Variants in NETO1 observed in about 807,000 individuals in gnomAD.
The protein encoded by NETO1 is neuropilin and tolloid-like protein 1.
In NETO1, 26 loss-of-function variants were observed where a neutral mutation model predicts 61.3. The ratio of observed to expected loss-of-function variants is 0.42; its 90% CI spans 0.31 to 0.59. NETO1 has a LOEUF of 0.59. Among genes scored for constraint, NETO1 ranks in the 20% least tolerant of loss-of-function variants. NETO1 has a pLI of 0.12. For missense variants in NETO1, 531 were observed against 662.8 expected (o/e 0.80, Z 2.18); for synonymous variants, 225 against 225.8 (o/e 1.00, Z 0.03).
chr18:72,834,298 C>A (rs1419928747), intron 4 of NETO1: 9 of 848,748 alleles, frequency 1.1e-5, no homozygotes, highest in Non-Finnish European at 1.3e-5. Context: ...GAAAAAATTT[C>A]ATAAATGACA....
At chr18:72,778,832 C>CCTCT (rs2071644222) in intron 7 of NETO1, among the ~76,000 whole-genome samples, 1 of 152,140 alleles carries the variant, frequency 6.6e-6, no homozygotes, top group South Asian at 2.1e-4. Flanking sequence ...ACTCCTCCAG[C>CCTCT]CTCTACTCAT....
chr18:72,748,260 C>G, intron 10 of NETO1, 96 bp from the exon 11 acceptor site: 1 of 983,036 alleles, frequency 1.0e-6, no homozygotes, highest in Non-Finnish European at 1.2e-6. Context: ...GAAATGCATT[C>G]ACCTAGTTCA....
intron 7 of NETO1, among the ~76,000 whole-genome samples, chr18:72,757,528 A>G (rs571938244): frequency 5.3e-5 from 8 of 152,228 alleles, no homozygotes; most frequent in Admixed American, 5.2e-4. Flanking sequence ...CTCTCTGTTC[A>G]TTTTGACTTT....
chr18:72,840,099 C>T (rs1367451424), intron 4 of NETO1, among the ~76,000 whole-genome samples: 2 of 152,182 alleles, frequency 1.3e-5, no homozygotes, highest in African/African-American at 4.8e-5. Flanking sequence ...CTTTGTGAAT[C>T]CTCATTTAAA....
intron 4 of NETO1, among the ~76,000 whole-genome samples, chr18:72,839,637 A>G (rs1375311532): frequency 6.6e-6 from 1 of 152,122 alleles, no homozygotes; most frequent in Non-Finnish European, 1.5e-5. Context: ...TGCCTCTAAA[A>G]TGCCTATTTC....
chr18:72,818,635 G>A (rs943345216), intron 4 of NETO1, among the ~76,000 whole-genome samples: 1 of 152,096 alleles, frequency 6.6e-6, no homozygotes, highest in African/African-American at 2.4e-5. Flanking sequence ...AGTCAAGCAC[G>A]AGACATTTTC....
At chr18:72,858,663 T>C (rs907438222) in intron 4 of NETO1, among the ~76,000 whole-genome samples, 163 bp downstream of exon 4, 2 of 152,158 alleles carry the variant, frequency 1.3e-5, no homozygotes, top group Admixed American at 6.5e-5. Context: ...ATCTTTTCCT[T>C]TCAGAATTTG....
chr18:72,847,606 T>A (rs1186072657), intron 4 of NETO1, among the ~76,000 whole-genome samples: 1 of 152,216 alleles, frequency 6.6e-6, no homozygotes, highest in Admixed American at 6.5e-5. Context: ...TATTTATGCA[T>A]AAAAATGGCA....
intron 6 of NETO1, among the ~76,000 whole-genome samples, chr18:72,784,724 A>G (rs547561684): frequency 1.3e-3 from 195 of 152,338 alleles, no homozygotes; most frequent in African/African-American, 4.5e-3. Flanking sequence ...TTTTCCATCA[A>G]CAGACATTAT....
At chr18:72,752,439 C>T (rs1219006579) in intron 8 of NETO1, among the ~76,000 whole-genome samples, 2 of 152,090 alleles carry the variant, frequency 1.3e-5, no homozygotes, top group African/African-American at 4.8e-5. Context: ...GGTGCGAAGT[C>T]CAAGGCGGTG....
Position 72,859,091 on chromosome 18 carries a change from T to C in NETO1, c.221-17A>G, listed in dbSNP as rs1386822567. ...TTGGAGCGGCTGTAAAGAAGAAAGA[T>C]TGTGTCTAGGAGGTCATTTCTTACA... On this transcript the variant is annotated splice_polypyrimidine_tract_variant and intron_variant, in intron 3 of 10. Coordinates refer to ENST00000327305, the MANE Select transcript of NETO1 (RefSeq NM_138966.5). 9.5e-6 allele frequency: 15 copies of C among 1,581,054 alleles called. No individual in the cohort carries two copies. In the East Asian group the frequency reaches 3.2e-4, roughly 33 times the overall value.
intron 4 of NETO1, among the ~76,000 whole-genome samples, chr18:72,803,785 C>T (rs2072585629): frequency 1.3e-5 from 2 of 151,450 alleles, no homozygotes; most frequent in South Asian, 4.2e-4. Context: ...CACACCATTG[C>T]ACTCCAGCCT....
chr18:72,861,302 C>T lies in NETO1; in HGVS notation c.221-2228G>A, dbSNP rs149934272. Among the ~76,000 whole-genome samples the T allele has an allele frequency of 5.7e-3, 875 of 152,308 alleles. 11 individuals carry two copies. The highest frequency in any genetic ancestry group is 0.019 in the African/African-American group (801 of 41,566). On this transcript the variant is annotated intron_variant, in intron 3 of 10. Transcript: ENST00000327305. ...GACACACAACCAGAAATGAAACCTACATAGCTGAATTTTAGAAGGTAGTGA... is the reference window on the plus strand; with the variant it reads ...GACACACAACCAGAAATGAAACCTATATAGCTGAATTTTAGAAGGTAGTGA...
intron 4 of NETO1, among the ~76,000 whole-genome samples, chr18:72,839,102 C>G (rs1392263472): frequency 2.0e-5 from 3 of 151,988 alleles, no homozygotes; most frequent in African/African-American, 7.3e-5. Context: ...TGCTTAATGT[C>G]AAAAGAAAGT....
rs777646026 is a variant in NETO1 at position 72,835,328 on chromosome 18, A to G, written c.469+23498T>C. On this transcript the variant is annotated intron_variant, in intron 4 of 10. Transcript: ENST00000327305. ...GGAGTTTGCCTTTTATTCTGGAGGCAAAGAGGTAATTAAAGAAGTTTAATT... is the reference window on the plus strand; with the variant it reads ...GGAGTTTGCCTTTTATTCTGGAGGCGAAGAGGTAATTAAAGAAGTTTAATT... The G allele has an allele frequency of 8.8e-6, 14 of 1,596,574 alleles. No homozygotes were observed. In the South Asian group the frequency reaches 1.6e-4, roughly 18 times the overall value.
chr18:72,821,722 G>A (rs7233147), intron 4 of NETO1, among the ~76,000 whole-genome samples: 72,864 of 151,898 alleles, frequency 0.48, 19,060 homozygotes, highest in African/African-American at 0.69. Context: ...GTTGAAGAAC[G>A]TGAGACGTTG....
At chr18:72,773,607 T>C (rs183604422) in intron 7 of NETO1, among the ~76,000 whole-genome samples, 69 of 152,172 alleles carry the variant, frequency 4.5e-4, no homozygotes, top group Admixed American at 2.6e-3. Context: ...GTTCTCACGA[T>C]AGTGAGTGAG....
Position 72,794,213 on chromosome 18 carries a change from T to G in NETO1, c.543A>C (p.Gly181=), listed in dbSNP as rs147413816. The change falls in exon 6 of 11, where the codon GGA becomes GGC. Residue 181 remains glycine (G), a synonymous_variant. Transcript: ENST00000327305. ...TCATAATTTGTATAGACTCCACAAT[T>G]CCTTCGGAACCGCCCATCTCAAACT... ...ACEFEMGGSE[G]IVESIQIMKE... is the part of the protein sequence containing the mutation. 24 of 1,614,042 alleles carry G rather than the reference T, an allele frequency of 1.5e-5. No individual in the cohort carries two copies. The highest frequency in any genetic ancestry group is 1.9e-5 in the Non-Finnish European group (23 of 1,180,026).
At chr18:72,855,168 T>C (rs555941926) in intron 4 of NETO1, among the ~76,000 whole-genome samples, 1 of 152,334 alleles carries the variant, frequency 6.6e-6, no homozygotes, top group African/African-American at 2.4e-5. Flanking sequence ...CTTATTTCTT[T>C]TTCTGAACTG....
Sources: allele counts gnomAD v4.1 joint callset (sites outside exome capture counted in the v4.1 genomes callset), GRCh38; gene constraint gnomAD v4.1.1; transcripts MANE v1.5; gene names NCBI Gene and HGNC (gene_info 2026-07-23, HGNC 2026-07-21).